RXRA: variants seen among roughly 807,000 people sequenced by gnomAD.
RXRA encodes retinoid X receptor alpha.
RXRA carries 5 observed loss-of-function variants against 44.5 expected under a neutral mutation model. The observed-to-expected ratio is 0.11, with a 90% CI of 0.06 to 0.24. The LOEUF is 0.24. Ranked by LOEUF, RXRA falls within the 10% of genes least tolerant of loss-of-function variation. The pLI is 1.00. For synonymous variants in RXRA, 291 were observed against 271.4 expected (o/e 1.07, Z -0.71); for missense variants, 412 against 646.5 (o/e 0.64, Z 3.93).
chr9:134,412,219 C>T (rs1197100366), intron 4 of RXRA, among the ~76,000 whole-genome samples: 1 of 152,234 alleles, frequency 6.6e-6, no homozygotes, highest in Non-Finnish European at 1.5e-5. Context: ...TGGCCCAGAG[C>T]ATGCAGGATG....
intron 1 of RXRA, among the ~76,000 whole-genome samples, chr9:134,382,201 T>C (rs1056783791): frequency 6.6e-6 from 1 of 151,998 alleles, no homozygotes; most frequent in Non-Finnish European, 1.5e-5. Context: ...TGGGCTGGCG[T>C]CTGCCTCCCC....
intron 1 of RXRA, among the ~76,000 whole-genome samples, chr9:134,368,383 G>T (rs1374475086): frequency 6.6e-6 from 1 of 152,244 alleles, no homozygotes; most frequent in East Asian, 1.9e-4. Flanking sequence ...GGGCTGGATA[G>T]CCCCTGCCAT....
At chr9:134,332,575 G>C (rs903854374) in intron 1 of RXRA, among the ~76,000 whole-genome samples, 2 of 152,100 alleles carry the variant, frequency 1.3e-5, no homozygotes, top group Admixed American at 6.5e-5. Flanking sequence ...TGGCCTGGAG[G>C]GGGTGAAGAG....
chr9:134,422,539 C>CT, intron 6 of RXRA: 1 of 1,223,906 alleles, frequency 8.2e-7, no homozygotes, highest in Non-Finnish European at 1.1e-6. Context: ...TTCCGGGACA[C>CT]TCCCCCCTCC....
At chr9:134,376,810 C>G (rs1830563775) in intron 1 of RXRA, among the ~76,000 whole-genome samples, 1 of 152,198 alleles carries the variant, frequency 6.6e-6, no homozygotes, top group African/African-American at 2.4e-5. Flanking sequence ...CCCTAGGGAT[C>G]TGGCTGGGCC....
rs566853668 is a variant in RXRA at position 134,396,918 on chromosome 9, A to G, written c.29-4714A>G. On this transcript the variant is annotated intron_variant, in intron 1 of 9. Coordinates refer to ENST00000481739, the MANE Select transcript of RXRA (RefSeq NM_002957.6). ...GTGGGGATTTTGAGTTCCCCTCTCC[A>G]AGGGCCGGAGGTTCCCTGGCTGCCC... Among the ~76,000 whole-genome samples, 17 of 152,260 alleles carry G rather than the reference A, an allele frequency of 1.1e-4. 1 individual carries two copies. The South Asian group carries it at 3.5e-3, about 32-fold the overall frequency.
At chr9:134,356,832 C>T (rs1180190056) in intron 1 of RXRA, among the ~76,000 whole-genome samples, 11 of 152,128 alleles carry the variant, frequency 7.2e-5, no homozygotes, top group African/African-American at 2.4e-4. Context: ...CTGCCCTGCC[C>T]CAGCCTCACC....
intron 1 of RXRA, among the ~76,000 whole-genome samples, chr9:134,339,827 G>T (rs1830063669): frequency 7.3e-6 from 1 of 137,028 alleles, no homozygotes; most frequent in Admixed American, 7.4e-5. Context: ...GTGTGTGTGT[G>T]TGTGTGAGTC....
At chr9:134,422,562 C>T (rs1471546928) in intron 6 of RXRA, 9 of 1,167,852 alleles carry the variant, frequency 7.7e-6, no homozygotes, top group South Asian at 1.4e-5. Context: ...GGACAGTCCC[C>T]ACTCCCGGGA....
At chr9:134,363,931 G>GA (rs1462318037) in intron 1 of RXRA, among the ~76,000 whole-genome samples, 1 of 152,180 alleles carries the variant, frequency 6.6e-6, no homozygotes, top group East Asian at 1.9e-4. Context: ...TGTACAGCCA[G>GA]AAAAAAGAAG....
At chr9:134,380,695 T>C (rs1316738912) in intron 1 of RXRA, among the ~76,000 whole-genome samples, 1 of 152,036 alleles carries the variant, frequency 6.6e-6, no homozygotes, top group Non-Finnish European at 1.5e-5. Context: ...TTGTCCCAGC[T>C]CCTGGGCCAG....
At chr9:134,346,016 G>A (rs368251321) in intron 1 of RXRA, among the ~76,000 whole-genome samples, 3 of 152,292 alleles carry the variant, frequency 2.0e-5, no homozygotes, top group African/African-American at 7.2e-5. Context: ...TATAGGGACA[G>A]TTGAGAGTCG....
Position 134,417,118 on chromosome 9 carries a change from G to T in RXRA, c.611-40G>T. On this transcript the variant is annotated intron_variant, in intron 4 of 9. Coordinates refer to ENST00000481739, the MANE Select transcript of RXRA (RefSeq NM_002957.6). The surrounding 1 kb of genome is among the most constrained non-coding windows in gnomAD (Gnocchi z 6.1). ...CAGCCTTCCCTGGGAGCCACTGGCCGGGCTGAGCGTGGGGCTCACCTGCGC... is the reference window on the plus strand; with the variant it reads ...CAGCCTTCCCTGGGAGCCACTGGCCTGGCTGAGCGTGGGGCTCACCTGCGC... The T allele has an allele frequency of 6.3e-7, 1 of 1,582,156 alleles. No individual in the cohort carries two copies. The highest frequency in any genetic ancestry group is 1.3e-5 in the African/African-American group (1 of 74,696).
At chr9:134,367,746 T>A (rs1830432387) in intron 1 of RXRA, among the ~76,000 whole-genome samples, 1 of 152,152 alleles carries the variant, frequency 6.6e-6, no homozygotes, top group South Asian at 2.1e-4. Context: ...CAGCTCCCCC[T>A]CGGGTGGGGG....
chr9:134,329,797 C>G (rs1834975048), intron 1 of RXRA, among the ~76,000 whole-genome samples: 1 of 152,116 alleles, frequency 6.6e-6, no homozygotes, highest in Non-Finnish European at 1.5e-5. Context: ...TCCCCCGTGG[C>G]TGTGTGGGAG....
intron 1 of RXRA, among the ~76,000 whole-genome samples, chr9:134,384,537 C>T (rs956314445): frequency 6.6e-6 from 1 of 152,094 alleles, no homozygotes; most frequent in Non-Finnish European, 1.5e-5. Context: ...GTGGGTGAGA[C>T]CCAGGAGGGA....
At chr9:134,408,104 A>G (rs773625478) in intron 2 of RXRA, 45 bp from the exon 3 acceptor site, 2 of 1,473,808 alleles carry the variant, frequency 1.4e-6, no homozygotes, top group South Asian at 2.8e-5. Context: ...ACATAGGGAC[A>G]AACCTGGTGT....
At chr9:134,393,990 A>G in intron 1 of RXRA, among the ~76,000 whole-genome samples, 1 of 151,590 alleles carries the variant, frequency 6.6e-6, no homozygotes, top group Non-Finnish European at 1.5e-5. Flanking sequence ...AGAGGACCCA[A>G]AACACCATCC....
intron 1 of RXRA, among the ~76,000 whole-genome samples, chr9:134,397,168 G>A (rs145502700): frequency 2.6e-5 from 4 of 152,332 alleles, no homozygotes; most frequent in Non-Finnish European, 5.9e-5. Flanking sequence ...TCAACAGGGT[G>A]TCCCTTCCCT....
Sources: allele counts gnomAD v4.1 joint callset (sites outside exome capture counted in the v4.1 genomes callset), GRCh38; gene constraint gnomAD v4.1.1; non-coding constraint Gnocchi (gnomAD v3.1); transcripts MANE v1.5; gene names NCBI Gene and HGNC (gene_info 2026-07-23, HGNC 2026-07-21).